The following XPO4 variants were observed in gnomAD, a reference collection of about 807,000 sequenced individuals.
XPO4 encodes the protein exportin 4.
In XPO4, 39 loss-of-function variants were observed where a neutral mutation model predicts 143.0. The observed-to-expected ratio is 0.27, with a 90% CI of 0.21 to 0.36. The LOEUF is 0.36. Ranked by LOEUF, XPO4 falls within the 10% of genes least tolerant of loss-of-function variation. XPO4 has a pLI of 1.00. For missense variants in XPO4, 907 were observed against 1,348.0 expected, an observed-to-expected ratio of 0.67 and a Z score of 5.12; for synonymous variants, 439 against 474.0, an observed-to-expected ratio of 0.93 and a Z score of 0.96.
chr13:20,802,216 C>T (rs2059443493), intron 13 of XPO4, among the ~76,000 whole-genome samples: 1 of 152,014 alleles, frequency 6.6e-6, no homozygotes, highest in African/African-American at 2.4e-5. Context: ...CACTACTACA[C>T]CAGGCCGATT....
chr13:20,857,365 A>C (rs1566610739), intron 3 of XPO4, among the ~76,000 whole-genome samples: 1 of 152,222 alleles, frequency 6.6e-6, no homozygotes, highest in Non-Finnish European at 1.5e-5. Context: ...AATTTATATG[A>C]ACTGGTTTCA....
At chr13:20,824,165 G>A (rs1186826570) in intron 7 of XPO4, among the ~76,000 whole-genome samples, 1 of 152,192 alleles carries the variant, frequency 6.6e-6, no homozygotes, top group Non-Finnish European at 1.5e-5. Flanking sequence ...ATATTCCAAT[G>A]TATTTTAAGT....
At chr13:20,788,141 C>T (rs564403366) in intron 20 of XPO4, among the ~76,000 whole-genome samples, 38 of 151,574 alleles carry the variant, frequency 2.5e-4, no homozygotes, top group African/African-American at 8.0e-4. Flanking sequence ...CTGCCACCTC[C>T]GCCTCCCGGG....
At chr13:20,846,634 A>C (rs2060031839) in intron 4 of XPO4, among the ~76,000 whole-genome samples, 1 of 152,194 alleles carries the variant, frequency 6.6e-6, no homozygotes, top group Non-Finnish European at 1.5e-5. Context: ...TAATTTTTTC[A>C]TCCTACAAAA....
chr13:20,790,419 A>T, intron 19 of XPO4, 43 bp downstream of exon 19: 1 of 1,427,268 alleles, frequency 7.0e-7, no homozygotes. Flanking sequence ...TTTGAACTTC[A>T]GTTACACATA....
At chr13:20,863,662 A>C (rs1337715793) in intron 2 of XPO4, among the ~76,000 whole-genome samples, 1 of 152,184 alleles carries the variant, frequency 6.6e-6, no homozygotes, top group Non-Finnish European at 1.5e-5. Context: ...CAACAGGGAG[A>C]AACAGTTGAA....
intron 3 of XPO4, among the ~76,000 whole-genome samples, chr13:20,859,636 G>T (rs967114956): frequency 6.6e-6 from 1 of 151,740 alleles, no homozygotes; most frequent in African/African-American, 2.4e-5. Flanking sequence ...AATTAGCTGG[G>T]TGTGGTGGCA....
chr13:20,845,005 T>TA (rs2060016851), intron 4 of XPO4, among the ~76,000 whole-genome samples: 1 of 152,152 alleles, frequency 6.6e-6, no homozygotes, highest in Admixed American at 6.5e-5. Flanking sequence ...ACCCTGTCTC[T>TA]ACTAAAAATA....
At chr13:20,835,650 C>T (rs2059906543) in intron 6 of XPO4, among the ~76,000 whole-genome samples, 3 of 152,318 alleles carry the variant, frequency 2.0e-5, no homozygotes, top group South Asian at 2.1e-4. Flanking sequence ...ACCCCCATTC[C>T]CTTGAGCTGT....
chr13:20,874,582 CT>C (rs965716554), intron 1 of XPO4, among the ~76,000 whole-genome samples: 1 of 152,192 alleles, frequency 6.6e-6, no homozygotes, highest in Non-Finnish European at 1.5e-5. Flanking sequence ...TTCTCTCTCT[CT>C]TTCTTGCTCA....
intron 1 of XPO4, among the ~76,000 whole-genome samples, chr13:20,870,728 T>G (rs2060288784): frequency 8.8e-6 from 1 of 113,292 alleles, no homozygotes; most frequent in Admixed American, 8.3e-5. Context: ...AGACTCTGCC[T>G]CAAAAAAAAA....
chr13:20,787,755 AAAG>A (rs1316080633), intron 20 of XPO4, among the ~76,000 whole-genome samples, 157 bp from the exon 21 acceptor site: 1 of 152,246 alleles, frequency 6.6e-6, no homozygotes, highest in Non-Finnish European at 1.5e-5. Context: ...TTATATAAGG[AAAG>A]AAGATTTCCA....
At chr13:20,861,297 CTTT>C (rs68037393) in intron 3 of XPO4, among the ~76,000 whole-genome samples, 2 of 134,964 alleles carry the variant, frequency 1.5e-5, no homozygotes, top group Non-Finnish European at 3.1e-5. Flanking sequence ...TAGTTTTCCT[CTTT>C]TTTTTTTTTT....
intron 3 of XPO4, among the ~76,000 whole-genome samples, chr13:20,856,626 C>T (rs1281671885): frequency 2.6e-5 from 4 of 152,210 alleles, no homozygotes; most frequent in Non-Finnish European, 5.9e-5. Flanking sequence ...AGCCTCAATT[C>T]ACCTGTTGCC....
At chr13:20,833,262 A>G (rs1423441242) in intron 6 of XPO4, among the ~76,000 whole-genome samples, 1 of 152,164 alleles carries the variant, frequency 6.6e-6, no homozygotes, top group African/African-American at 2.4e-5. Flanking sequence ...CAATGCAGTG[A>G]GCAAAAGCAT....
intron 14 of XPO4, 58 bp from the exon 15 acceptor site, chr13:20,800,383 AAAAC>A (rs1325755624): frequency 2.0e-6 from 3 of 1,525,218 alleles, no homozygotes; most frequent in African/African-American, 1.4e-5. Context: ...CAAGAAAAAA[AAAAC>A]AGAGAAAAAT....
chr13:20,839,410 G>C (rs1366178065), intron 6 of XPO4, among the ~76,000 whole-genome samples: 1 of 152,224 alleles, frequency 6.6e-6, no homozygotes, highest in Non-Finnish European at 1.5e-5. Flanking sequence ...CACAGGGCTT[G>C]TGTTTGGGAT....
chr13:20,816,040 C>A (rs1042896207), intron 9 of XPO4, among the ~76,000 whole-genome samples: 1 of 152,214 alleles, frequency 6.6e-6, no homozygotes, highest in Non-Finnish European at 1.5e-5. Context: ...GTGGTTGATA[C>A]ATAATCGTTC....
At chr13:20,863,675 G>T (rs2060221139) in intron 2 of XPO4, among the ~76,000 whole-genome samples, 1 of 152,134 alleles carries the variant, frequency 6.6e-6, no homozygotes, top group Non-Finnish European at 1.5e-5. Context: ...CAGTTGAAAT[G>T]AAGTCAAGAA....
Sources: gnomAD v4.1 joint callset for allele counts (sites outside exome capture counted in the v4.1 genomes callset) on GRCh38, gnomAD v4.1.1 for gene constraint, MANE v1.5 for transcripts, NCBI Gene and HGNC (gene_info 2026-07-23, HGNC 2026-07-21) for gene names.